Variants in MAPK10 observed in about 807,000 individuals in gnomAD.
MAPK10 encodes mitogen-activated protein kinase 10, also known as JNK3 alpha protein kinase.
In MAPK10, 25 loss-of-function variants were observed where a neutral mutation model predicts 59.3. The observed-to-expected ratio is 0.42, with a 90% CI of 0.31 to 0.59. MAPK10 has a LOEUF of 0.59. MAPK10 is among the 20% of genes least tolerant of loss of function. MAPK10 has a pLI of 0.15. For synonymous variants in MAPK10, 190 were observed against 200.5 expected (o/e 0.95, Z 0.44); for missense variants, 351 against 568.9 (o/e 0.62, Z 3.90).
chr4:86,328,993 AT>A (rs1273565433), intron 2 of MAPK10, among the ~76,000 whole-genome samples: 2 of 152,096 alleles, frequency 1.3e-5, no homozygotes, highest in Admixed American at 1.3e-4. Context: ...TGTTCTGCAC[AT>A]GTATCCCGGG....
intron 2 of MAPK10, among the ~76,000 whole-genome samples, chr4:86,197,019 C>T (rs2081473967): frequency 1.3e-5 from 2 of 152,080 alleles, no homozygotes; most frequent in Non-Finnish European, 2.9e-5. Context: ...GTTCTTTTTG[C>T]TTAGGATTGT....
chr4:86,516,069 G>A (rs1056787508), intron 1 of MAPK10, among the ~76,000 whole-genome samples: 20 of 152,126 alleles, frequency 1.3e-4, no homozygotes, highest in Admixed American at 7.9e-4. Flanking sequence ...TAAGGTGAGA[G>A]ATGAGGATCC....
chr4:86,213,169 A>C (rs2086360283), intron 2 of MAPK10, among the ~76,000 whole-genome samples: 1 of 152,146 alleles, frequency 6.6e-6, no homozygotes, highest in African/African-American at 2.4e-5. Flanking sequence ...ATGAAAATAC[A>C]ACATAACAAA....
chr4:86,578,572 A>T lies in MAPK10; in HGVS notation c.-263+15338T>A, dbSNP rs991916373. On this transcript the variant is annotated intron_variant, in intron 1 of 4. Coordinates refer to the MAPK10 transcript ENST00000502302. ...TGTTGTTTTTCACTGTTCTCTTAAA[A>T]GACCTGAAGCACTATTTGAATTGTA... Among the ~76,000 whole-genome samples the T allele has an allele frequency of 2.0e-5, 3 of 152,256 alleles. No homozygotes were observed. In the East Asian group the frequency reaches 5.8e-4, roughly 29 times the overall value.
At position 86,497,855 on chromosome 4, in the gene MAPK10, C is replaced by A. The variant is rs913517263; in HGVS notation, c.-263+96055G>T. On this transcript the variant is annotated intron_variant, in intron 1 of 4. Transcript: ENST00000502302. Reference sequence around the variant, plus strand: ...CCTAGAGCACCCCACTCTGGCTGTGCAAATATTAGGAGCAGGGTTGATTAG... The same window carrying A: ...CCTAGAGCACCCCACTCTGGCTGTGAAAATATTAGGAGCAGGGTTGATTAG... Among the ~76,000 whole-genome samples the A allele has an allele frequency of 2.6e-5, 4 of 152,202 alleles. No homozygotes were observed. The East Asian group carries it at 5.8e-4, about 22-fold the overall frequency.
At chr4:86,374,453 C>A (rs1361479456) in intron 1 of MAPK10, among the ~76,000 whole-genome samples, 1 of 152,060 alleles carries the variant, frequency 6.6e-6, no homozygotes, top group East Asian at 1.9e-4. Context: ...AAGGTCTTTG[C>A]ACACACTCAG....
chr4:86,364,990 A>G (rs1737601661), upstream of MAPK10, among the ~76,000 whole-genome samples: 1 of 152,186 alleles, frequency 6.6e-6, no homozygotes, highest in Admixed American at 6.5e-5. Context: ...TTTTCAATGA[A>G]AGGAGAAAGA....
intron 2 of MAPK10, among the ~76,000 whole-genome samples, chr4:86,344,161 G>A (rs1194941167): frequency 4.6e-5 from 7 of 152,156 alleles, no homozygotes; most frequent in Admixed American, 4.6e-4. Context: ...TAGAGACAGG[G>A]TCTTGCTCTG....
chr4:86,415,963 T>C (rs1745812809), intron 1 of MAPK10, among the ~76,000 whole-genome samples: 1 of 152,186 alleles, frequency 6.6e-6, no homozygotes, highest in African/African-American at 2.4e-5. Flanking sequence ...TGGATGATCT[T>C]GGTAAAATAA....
chr4:86,424,874 T>C (rs948856128), intron 1 of MAPK10, among the ~76,000 whole-genome samples: 6 of 152,138 alleles, frequency 3.9e-5, no homozygotes, highest in African/African-American at 9.7e-5. Flanking sequence ...TCAAGCATAA[T>C]TGACCATAAG....
rs1179066726 is a variant in MAPK10 at position 86,013,274 on chromosome 4, A to C, written c.*3954T>G. On this transcript the variant is annotated 3_prime_UTR_variant, in exon 14 of 14. Transcript: ENST00000641462. ...CTTTTTTGTTGTTTTTACAGAGAGG[A>C]GTTTCCTTGCTTGGCTTAATGATAT... is the stretch of plus-strand genomic sequence containing the variant. 6.6e-6 allele frequency: 1 copy of C among 152,182 alleles called. No individual in the cohort carries two copies. Among genetic ancestry groups the C allele is most frequent in the Non-Finnish European group, 1.5e-5 (1 of 68,030 alleles). 9.4% of individuals were successfully genotyped at this position (152,182 alleles called of 1,614,324 possible).
chr4:86,104,724 A>G (rs1241093959), intron 5 of MAPK10, among the ~76,000 whole-genome samples: 2 of 152,142 alleles, frequency 1.3e-5, no homozygotes, highest in Non-Finnish European at 2.9e-5. Flanking sequence ...ATAGCATTAC[A>G]ATTTTAAATA....
chr4:86,186,853 A>T (rs944067234), intron 3 of MAPK10, among the ~76,000 whole-genome samples: 3 of 152,156 alleles, frequency 2.0e-5, no homozygotes, highest in African/African-American at 4.8e-5. Context: ...CTCCTTAAAG[A>T]TAGGGTTTGC....
At chr4:86,239,053 C>T (rs907915142) in intron 2 of MAPK10, among the ~76,000 whole-genome samples, 3 of 151,794 alleles carry the variant, frequency 2.0e-5, no homozygotes, top group South Asian at 2.1e-4. Context: ...GTTTTTAACC[C>T]GAAGGGATGT....
chr4:86,474,881 G>A (rs577213843), intron 1 of MAPK10, among the ~76,000 whole-genome samples: 1 of 152,220 alleles, frequency 6.6e-6, no homozygotes, highest in African/African-American at 2.4e-5. Context: ...TATTTAAATG[G>A]CCTGTTCCTG....
chr4:86,559,496 CTT>C (rs536561711), intron 1 of MAPK10, among the ~76,000 whole-genome samples: 112 of 152,296 alleles, frequency 7.4e-4, no homozygotes, highest in Middle Eastern at 3.4e-3. Flanking sequence ...AATGAACTCT[CTT>C]GTTTCCCCTG....
At chr4:86,117,863 G>A (rs781441824) in intron 4 of MAPK10, 3 of 152,158 alleles carry the variant, frequency 2.0e-5, no homozygotes, top group Non-Finnish European at 4.4e-5. Flanking sequence ...TAATAGAGTA[G>A]CCATGGCAAC....
chr4:86,318,881 C>A (rs1024438246), intron 2 of MAPK10, among the ~76,000 whole-genome samples: 5 of 151,208 alleles, frequency 3.3e-5, no homozygotes, highest in African/African-American at 1.2e-4. Flanking sequence ...TGCATAATCT[C>A]TCTCCATAGC....
At chr4:86,301,135 C>G (rs1057219792) in intron 2 of MAPK10, among the ~76,000 whole-genome samples, 32 of 152,234 alleles carry the variant, frequency 2.1e-4, no homozygotes, top group African/African-American at 7.2e-4. Flanking sequence ...GTAGCACTCT[C>G]TGCCAACCAA....
Sources: allele counts gnomAD v4.1 joint callset (sites outside exome capture counted in the v4.1 genomes callset), GRCh38; gene constraint gnomAD v4.1.1; transcripts MANE v1.5; gene names NCBI Gene and HGNC (gene_info 2026-07-23, HGNC 2026-07-21).